LCOR: variants seen among roughly 807,000 people sequenced by gnomAD.
The protein encoded by LCOR is ligand dependent nuclear receptor corepressor, also known as ligand-dependent corepressor.
Under a neutral mutation model 64.4 loss-of-function variants are expected in LCOR, and 14 were observed. The ratio of observed to expected loss-of-function variants is 0.22; its 90% confidence interval spans 0.14 to 0.34. The LOEUF is 0.34. Among genes scored for constraint, LCOR ranks in the 10% least tolerant of loss-of-function variants. The pLI is 1.00. For missense variants in LCOR, 1,686 were observed against 1,765.3 expected (o/e 0.96, Z 0.80); for synonymous variants, 643 against 642.5 (o/e 1.00, Z -0.01).
intron 2 of LCOR, among the ~76,000 whole-genome samples, chr10:96,851,771 G>T (rs1307850377): frequency 6.6e-6 from 1 of 152,174 alleles, no homozygotes. Flanking sequence ...TAATTTTTCA[G>T]TGAGAACATA....
chr10:96,847,751 G>A (rs1171586751), intron 2 of LCOR, among the ~76,000 whole-genome samples: 2 of 152,068 alleles, frequency 1.3e-5, no homozygotes, highest in African/African-American at 4.8e-5. Flanking sequence ...CTGGTCAAAA[G>A]TACTAAAACT....
rs141178994 is a variant in LCOR at position 96,983,132 on chromosome 10, G to A, written c.2672G>A (p.Arg891His). 9.9e-6 allele frequency: 16 copies of A among 1,613,588 alleles called. No homozygotes were observed. The highest frequency in any genetic ancestry group is 8.3e-5 in the Admixed American group (5 of 59,994). ...EDTEKPSVNE[R>H]PSEKDAEQEG... Reference sequence around the variant, plus strand: ...ACAGAAAAGCCAAGTGTCAATGAACGCCCCTCTGAGAAAGATGCTGAGCAG... The same window carrying A: ...ACAGAAAAGCCAAGTGTCAATGAACACCCCTCTGAGAAAGATGCTGAGCAG... Residue 891 changes from arginine to histidine, a missense_variant, in exon 8 of 8, where the codon CGC becomes CAC. This residue lies in a region of LCOR where 1,293 missense variants were observed against 1,410.4 expected (regional missense o/e 0.92). Coordinates refer to ENST00000421806, the MANE Select transcript of LCOR (RefSeq NM_001346516.2). This position sits in a 1 kb window ranked among gnomAD's most constrained non-coding sequence, Gnocchi z 4.5.
chr10:96,975,106 G>C (rs896365571), intron 7 of LCOR, among the ~76,000 whole-genome samples: 22 of 152,338 alleles, frequency 1.4e-4, no homozygotes, highest in African/African-American at 5.3e-4. Context: ...GGGAGGTGGC[G>C]GTTGCCGTGA....
intron 2 of LCOR, among the ~76,000 whole-genome samples, chr10:96,882,653 G>A (rs1232521346): frequency 1.3e-5 from 2 of 152,156 alleles, no homozygotes; most frequent in African/African-American, 2.4e-5. Context: ...TATATTCTAT[G>A]GGTTTTGACA....
Position 96,983,393 on chromosome 10 carries a change from A to T in LCOR, c.2933A>T (p.Glu978Val), listed in dbSNP as rs1158917780. ...CKRDPEQAKE[E>V]PGHIPTQHVE... Reference sequence around the variant, plus strand: ...AGGGACCCAGAACAGGCAAAAGAAGAGCCAGGGCATATTCCCACACAGCAT... The same window carrying T: ...AGGGACCCAGAACAGGCAAAAGAAGTGCCAGGGCATATTCCCACACAGCAT... The change falls in exon 8 of 8, where the codon GAG becomes GTG. Residue 978 changes from glutamate (E) to valine (V), a missense_variant. Glu to Val is a moderately radical substitution (Grantham distance 121). Coordinates refer to ENST00000421806, the MANE Select transcript of LCOR (RefSeq NM_001346516.2). The surrounding 1 kb of genome is among the most constrained non-coding windows in gnomAD (Gnocchi z 4.5). The T allele has an allele frequency of 6.2e-7, 1 of 1,614,052 alleles. No individual in the cohort carries two copies. Among genetic ancestry groups the T allele is most frequent in the Non-Finnish European group, 8.5e-7 (1 of 1,180,056 alleles).
rs1268010500 is a variant in LCOR at position 96,985,915 on chromosome 10, T to C, written c.*781T>C. ...TTACTAATTCTCACCATCTTCTTCA[T>C]TTCTGGTCTTGCTAGCACTCCTGCA... On this transcript the variant is annotated 3_prime_UTR_variant, in exon 8 of 8. Coordinates refer to ENST00000421806, the MANE Select transcript of LCOR (RefSeq NM_001346516.2). 1.2e-5 allele frequency: 2 copies of C among 167,108 alleles called. No homozygotes were observed. The highest frequency in any genetic ancestry group is 2.9e-5 in the Non-Finnish European group (2 of 68,116). The allele number at this position is 167,108 out of a possible 1,614,324, so 10.4% of individuals were successfully genotyped here.
At chr10:96,858,896 T>C (rs1845844776) in intron 2 of LCOR, among the ~76,000 whole-genome samples, 1 of 152,220 alleles carries the variant, frequency 6.6e-6, no homozygotes, top group Non-Finnish European at 1.5e-5. Flanking sequence ...ATACAAATTA[T>C]TCTTTCTCTA....
intron 4 of LCOR, among the ~76,000 whole-genome samples, chr10:96,935,321 A>G (rs1847331104): frequency 6.6e-6 from 1 of 151,474 alleles, no homozygotes; most frequent in Non-Finnish European, 1.5e-5. Context: ...GCTAATGTTT[A>G]TATTTTTAGC....
At chr10:96,937,155 G>C (rs756946043) in intron 4 of LCOR, among the ~76,000 whole-genome samples, 9 of 152,142 alleles carry the variant, frequency 5.9e-5, no homozygotes, top group African/African-American at 1.9e-4. Flanking sequence ...TGGAGACACA[G>C]ACACACACAC....
chr10:96,839,145 G>C (rs776700012), intron 2 of LCOR, among the ~76,000 whole-genome samples: 2 of 152,188 alleles, frequency 1.3e-5, no homozygotes, highest in Non-Finnish European at 2.9e-5. Flanking sequence ...TCATGTGCTT[G>C]TTGGCCATTT....
At chr10:96,900,255 C>G (rs1027893899) in intron 2 of LCOR, among the ~76,000 whole-genome samples, 17 of 151,862 alleles carry the variant, frequency 1.1e-4, no homozygotes, top group African/African-American at 4.1e-4. Flanking sequence ...TAATTTTATT[C>G]CATTGTATGG....
At chr10:96,939,153 G>C (rs1847403958) in intron 4 of LCOR, among the ~76,000 whole-genome samples, 1 of 152,218 alleles carries the variant, frequency 6.6e-6, no homozygotes, top group Admixed American at 6.5e-5. Context: ...ATGCTGGCTT[G>C]AGGATAGATA....
intron 2 of LCOR, among the ~76,000 whole-genome samples, chr10:96,851,957 G>T (rs539973480): frequency 6.6e-6 from 1 of 152,254 alleles, no homozygotes; most frequent in East Asian, 1.9e-4. Flanking sequence ...TAAGAATAAG[G>T]TTGCTTATTG....
chr10:96,930,277 A>G (rs1847235182), intron 4 of LCOR, among the ~76,000 whole-genome samples: 1 of 152,156 alleles, frequency 6.6e-6, no homozygotes, highest in Non-Finnish European at 1.5e-5. Flanking sequence ...CAGTGTCTTT[A>G]TTATATCTTT....
intron 2 of LCOR, among the ~76,000 whole-genome samples, chr10:96,890,629 G>T (rs1445245571): frequency 6.6e-6 from 1 of 152,008 alleles, no homozygotes; most frequent in Non-Finnish European, 1.5e-5. Context: ...AGACATCCTT[G>T]CCTTATTTTT....
intron 7 of LCOR, among the ~76,000 whole-genome samples, chr10:96,979,819 A>G (rs979029557): frequency 6.6e-6 from 1 of 152,174 alleles, no homozygotes; most frequent in Non-Finnish European, 1.5e-5. Context: ...TAGCATGACC[A>G]ATTGGTCATG....
At chr10:96,866,204 C>T (rs1845970960) in intron 2 of LCOR, among the ~76,000 whole-genome samples, 1 of 152,174 alleles carries the variant, frequency 6.6e-6, no homozygotes, top group South Asian at 2.1e-4. Flanking sequence ...TTACTGTATT[C>T]ACAGAGTTGT....
At chr10:96,848,627 C>CAGG (rs1157740535) in intron 2 of LCOR, among the ~76,000 whole-genome samples, 2 of 152,134 alleles carry the variant, frequency 1.3e-5, no homozygotes, top group Non-Finnish European at 2.9e-5. Context: ...CATTGCACTC[C>CAGG]AGTCTGGGCA....
At position 96,916,587 on chromosome 10, in the gene LCOR, C is replaced by CTATATATATATATA. The variant is rs71976703; in HGVS notation, c.-184+8846_-184+8859dup. ...GAAACACATATGAGATATTTAAAGG[C>CTATATATATATATA]TATATATATATATATATATCTATAT... On this transcript the variant is annotated intron_variant, in intron 4 of 7. Coordinates refer to ENST00000421806, the MANE Select transcript of LCOR (RefSeq NM_001346516.2). 5.1e-3 allele frequency among the ~76,000 whole-genome samples: 703 copies of CTATATATATATATA among 137,858 alleles called. 4 individuals are homozygous for CTATATATATATATA. Among genetic ancestry groups the CTATATATATATATA allele is most frequent in the East Asian group, 0.02 (87 of 4,250 alleles). 90.4% of individuals were successfully genotyped at this position (137,858 alleles called of 152,430 possible). A position where few individuals can be genotyped will look rare whatever the true frequency, so the allele number is the denominator to read the frequency against.
Sources: gnomAD v4.1 joint callset for allele counts (sites outside exome capture counted in the v4.1 genomes callset) on GRCh38, gnomAD v4.1.1 for gene constraint, gnomAD v4.1.1 regional missense constraint, Gnocchi (gnomAD v3.1) non-coding constraint, MANE v1.5 for transcripts, NCBI Gene and HGNC (gene_info 2026-07-23, HGNC 2026-07-21) for gene names.